Variants in CTNNA2 observed in about 807,000 individuals in gnomAD.
CTNNA2 encodes catenin alpha-2.
Under a neutral mutation model 101.0 loss-of-function variants are expected in CTNNA2, and 42 were observed. The ratio of observed to expected loss-of-function variants is 0.42; its 90% CI spans 0.32 to 0.54. The LOEUF (loss-of-function observed/expected upper bound fraction) is 0.54, where lower values mean the gene tolerates loss of function less well. Ranked by LOEUF, CTNNA2 falls within the 20% of genes least tolerant of loss-of-function variation. The pLI, the probability that CTNNA2 is intolerant of heterozygous loss-of-function variation, is 0.14. For synonymous variants in CTNNA2, 450 were observed against 456.4 expected (o/e 0.99, Z 0.18); for missense variants, 871 against 1,223.1 (o/e 0.71, Z 4.29).
chr2:80,347,838 C>CTTTTTTTTTTT (rs778989197), intron 7 of CTNNA2, among the ~76,000 whole-genome samples: 5 of 146,868 alleles, frequency 3.4e-5, no homozygotes, highest in African/African-American at 5.1e-5. Flanking sequence ...TTTTTCTTTT[C>CTTTTTTTTTTT]TTTTCTTTTT....
intron 7 of CTNNA2, among the ~76,000 whole-genome samples, chr2:80,261,674 A>G (rs150798398): frequency 1.2e-4 from 19 of 152,338 alleles, no homozygotes; most frequent in Middle Eastern, 3.4e-3. Context: ...TGTTATAAAG[A>G]GATCACTTGT....
chr2:80,458,822 GC>G (rs1176939753), intron 9 of CTNNA2, among the ~76,000 whole-genome samples: 1 of 152,056 alleles, frequency 6.6e-6, no homozygotes, highest in African/African-American at 2.4e-5. Flanking sequence ...TAAATGATCA[GC>G]CCCCTCTCTT....
chr2:79,439,144 A>G (rs946798553), intron 4 of CTNNA2, among the ~76,000 whole-genome samples: 1 of 152,234 alleles, frequency 6.6e-6, no homozygotes, highest in Admixed American at 6.5e-5. Context: ...ATTATTCACA[A>G]CAACTGAAAG....
chr2:80,509,680 G>T (rs529063838), intron 9 of CTNNA2, among the ~76,000 whole-genome samples: 12 of 152,266 alleles, frequency 7.9e-5, no homozygotes, highest in African/African-American at 2.9e-4. Context: ...TATCACCCAG[G>T]GAAGATGTGG....
chr2:79,703,783 G>T (rs1314087856), intron 2 of CTNNA2, among the ~76,000 whole-genome samples: 1 of 152,040 alleles, frequency 6.6e-6, no homozygotes, highest in Non-Finnish European at 1.5e-5. Flanking sequence ...TCTTATTCTG[G>T]TAACAGAAGT....
intron 1 of CTNNA2, among the ~76,000 whole-genome samples, chr2:79,539,623 G>A (rs1673287754): frequency 1.3e-5 from 2 of 152,152 alleles, no homozygotes; most frequent in Admixed American, 6.5e-5. Flanking sequence ...GGGAGGTTTG[G>A]AAATGCTACT....
At chr2:80,520,701 C>A (rs1011434675) in intron 9 of CTNNA2, among the ~76,000 whole-genome samples, 1 of 152,174 alleles carries the variant, frequency 6.6e-6, no homozygotes, top group Non-Finnish European at 1.5e-5. Flanking sequence ...CCAAGGGCTC[C>A]ACCTCTAAAT....
At chr2:79,859,970 T>C (rs181329869) in intron 4 of CTNNA2, among the ~76,000 whole-genome samples, 1 of 152,250 alleles carries the variant, frequency 6.6e-6, no homozygotes, top group Non-Finnish European at 1.5e-5. Flanking sequence ...TCCCAGAGAA[T>C]GGCACAAAGT....
At chr2:79,672,818 G>A (rs1023193823) in intron 2 of CTNNA2, among the ~76,000 whole-genome samples, 4 of 146,696 alleles carry the variant, frequency 2.7e-5, no homozygotes, top group Non-Finnish European at 6.0e-5. Flanking sequence ...CAAGTGATTT[G>A]CCTGCCTCAG....
chr2:79,687,557 C>A, intron 2 of CTNNA2: 1 of 704,214 alleles, frequency 1.4e-6, no homozygotes, highest in Non-Finnish European at 2.6e-6. Context: ...TTTTGTTTGC[C>A]TTGCAGTGCA....
At chr2:79,358,004 T>C (rs1373891914) in intron 3 of CTNNA2, among the ~76,000 whole-genome samples, 1 of 152,166 alleles carries the variant, frequency 6.6e-6, no homozygotes, top group Non-Finnish European at 1.5e-5. Flanking sequence ...CTATTTTACT[T>C]ATTTTTCCAT....
chr2:79,363,484 T>C (rs1415563565), intron 3 of CTNNA2, among the ~76,000 whole-genome samples: 3 of 152,122 alleles, frequency 2.0e-5, no homozygotes, highest in Non-Finnish European at 4.4e-5. Context: ...ATTTAACGTA[T>C]GTAAAGTGCT....
intron 3 of CTNNA2, among the ~76,000 whole-genome samples, chr2:79,819,369 A>G (rs1047012741): frequency 6.6e-5 from 10 of 152,112 alleles, no homozygotes; most frequent in Admixed American, 6.5e-4. Context: ...ACACTTTCTT[A>G]TAACTTATGG....
At chr2:80,299,024 C>T (rs1319231251) in intron 7 of CTNNA2, 1 of 151,984 alleles carries the variant, frequency 6.6e-6, no homozygotes, top group South Asian at 2.1e-4. Flanking sequence ...TATAAATATT[C>T]GAAAAACCTC....
intron 18 of CTNNA2, among the ~76,000 whole-genome samples, chr2:80,620,295 A>G (rs1670979827): frequency 6.7e-6 from 1 of 149,260 alleles, no homozygotes; most frequent in Non-Finnish European, 1.5e-5. Flanking sequence ...GCTAGCCATG[A>G]TGAACATTTG....
chr2:79,928,900 A>C (rs2916529), intron 7 of CTNNA2, among the ~76,000 whole-genome samples: 1 of 152,156 alleles, frequency 6.6e-6, no homozygotes, highest in Admixed American at 6.6e-5. Context: ...AAAATAGTTA[A>C]TAGTTAATAC....
At chr2:79,797,263 T>C (rs1195106109) in intron 3 of CTNNA2, among the ~76,000 whole-genome samples, 2 of 152,080 alleles carry the variant, frequency 1.3e-5, no homozygotes, top group Non-Finnish European at 2.9e-5. Flanking sequence ...ATGGAAGATA[T>C]GGAGATCACC....
chr2:80,231,238 C>T (rs1709192726), intron 7 of CTNNA2, among the ~76,000 whole-genome samples: 1 of 152,134 alleles, frequency 6.6e-6, no homozygotes, highest in East Asian at 1.9e-4. Flanking sequence ...CCACCCTCCT[C>T]AGTCTCCCAG....
chr2:80,172,721 T>C (rs1432209532), intron 7 of CTNNA2, among the ~76,000 whole-genome samples: 1 of 152,190 alleles, frequency 6.6e-6, no homozygotes, highest in Non-Finnish European at 1.5e-5. Context: ...TGAGGGAGAA[T>C]GTGTTCCTTG....
Sources: allele counts gnomAD v4.1 joint callset (sites outside exome capture counted in the v4.1 genomes callset), GRCh38; gene constraint gnomAD v4.1.1; transcripts MANE v1.5; gene names NCBI Gene and HGNC (gene_info 2026-07-23, HGNC 2026-07-21).